SNX29: variants seen among roughly 807,000 people sequenced by gnomAD.
SNX29 encodes sorting nexin 29.
A neutral mutation model predicts 102.1 loss-of-function variants in SNX29; 78 were observed. That is an observed-to-expected ratio of 0.76 (90% CI 0.64 to 0.92). The LOEUF is 0.92. SNX29 is among the 40% of genes least tolerant of loss of function. SNX29 has a pLI of 0.00. For missense variants in SNX29, 1,280 were observed against 1,061.7 expected (o/e 1.21, Z -2.86); for synonymous variants, 580 against 414.5 (o/e 1.40, Z -4.85).
intron 13 of SNX29, chr16:12,135,493 G>A: frequency 7.6e-7 from 1 of 1,313,820 alleles, no homozygotes; most frequent in Non-Finnish European, 1.0e-6. Context: ...ATAAGAGCCA[G>A]TTACTGCATT....
chr16:12,370,626 T>C (rs1418398426), intron 16 of SNX29, among the ~76,000 whole-genome samples: 1 of 152,210 alleles, frequency 6.6e-6, no homozygotes, highest in Non-Finnish European at 1.5e-5. Flanking sequence ...GTAGGCACTT[T>C]GGGCGAGGCA....
chr16:12,445,815 G>A (rs1236305304), intron 18 of SNX29, among the ~76,000 whole-genome samples: 1 of 152,108 alleles, frequency 6.6e-6, no homozygotes, highest in East Asian at 1.9e-4. Flanking sequence ...ACCAATTCAA[G>A]CCTCGGGACA....
chr16:12,570,130 A>T lies in SNX29; in HGVS notation c.*1501A>T. ...AAAGGAAGATTGTTCATGGCCTTTA[A>T]GGAAGGCTGAGATCACTCACACACA... On this transcript the variant is annotated 3_prime_UTR_variant, in exon 21 of 21. Coordinates refer to ENST00000566228, the MANE Select transcript of SNX29 (RefSeq NM_032167.5). 3.8e-6 allele frequency: 4 copies of T among 1,051,478 alleles called. No homozygotes were observed. Among genetic ancestry groups the T allele is most frequent in the South Asian group, 4.6e-5 (1 of 21,710 alleles). 65.1% of individuals were successfully genotyped at this position (1,051,478 alleles called of 1,614,324 possible). A position where few individuals can be genotyped will look rare whatever the true frequency, so the allele number is the denominator to read the frequency against.
chr16:12,109,720 GCTTCCATTGCC>G, intron 11 of SNX29, among the ~76,000 whole-genome samples: 1 of 149,198 alleles, frequency 6.7e-6, no homozygotes, highest in East Asian at 2.0e-4. Flanking sequence ...AACCTGTTGA[GCTTCCATTGCC>G]CTCATCTTTT....
At position 12,270,542 on chromosome 16, in the gene SNX29, T is replaced by C. The variant is rs144723444; in HGVS notation, c.1679-7391T>C. ...TGGTCTCTCATGCCTTGACCCCACATACTCACCTTTGGCAGTTGAGAGATG... is the reference window on the plus strand; with the variant it reads ...TGGTCTCTCATGCCTTGACCCCACACACTCACCTTTGGCAGTTGAGAGATG... On this transcript the variant is annotated intron_variant, in intron 14 of 20. Coordinates refer to ENST00000566228, the MANE Select transcript of SNX29 (RefSeq NM_032167.5). Among the ~76,000 whole-genome samples the C allele has an allele frequency of 5.3e-5, 8 of 152,304 alleles. No homozygotes were observed. The East Asian group carries it at 1.5e-3, about 29-fold the overall frequency.
intron 10 of SNX29, among the ~76,000 whole-genome samples, chr16:12,071,313 T>G (rs2051289952): frequency 6.6e-6 from 1 of 152,036 alleles, no homozygotes; most frequent in Non-Finnish European, 1.5e-5. Context: ...GTCTAACATG[T>G]AAGTCTTTAA....
chr16:12,111,603 G>T (rs12596036), intron 11 of SNX29, among the ~76,000 whole-genome samples: 29,791 of 152,162 alleles, frequency 0.2, 3,373 homozygotes, highest in Middle Eastern at 0.27. Flanking sequence ...CTCCAAGATG[G>T]CAGGCAGCAA....
intron 13 of SNX29, among the ~76,000 whole-genome samples, chr16:12,146,332 C>T (rs369651893): frequency 6.6e-6 from 1 of 151,784 alleles, no homozygotes; most frequent in African/African-American, 2.4e-5. Context: ...GTGGCACAAT[C>T]TCAGCTCACT....
rs187403793 is a variant in SNX29 at position 12,324,251 on chromosome 16, G to T, written c.1783-31912G>T. Among the ~76,000 whole-genome samples the T allele has an allele frequency of 2.4e-3, 362 of 152,124 alleles. 1 individual carries two copies. The highest frequency in any genetic ancestry group is 8.5e-3 in the African/African-American group (354 of 41,520). ...GAAAACTGAGCAGCCCATCACCACT[G>T]GTCTCTCGGTGCTGCAGAGGCAACT... On this transcript the variant is annotated intron_variant, in intron 15 of 20. Transcript: ENST00000566228.
chr16:12,010,137 A>C (rs1441542354), intron 3 of SNX29, among the ~76,000 whole-genome samples: 1 of 152,234 alleles, frequency 6.6e-6, no homozygotes, highest in Non-Finnish European at 1.5e-5. Flanking sequence ...GAGTCAGTTC[A>C]TGTGCAACCC....
chr16:12,178,260 C>G (rs1295359967), intron 13 of SNX29, among the ~76,000 whole-genome samples: 1 of 151,916 alleles, frequency 6.6e-6, no homozygotes, highest in African/African-American at 2.4e-5. Context: ...GGCTCCCTTG[C>G]TTATGTTCCT....
intron 20 of SNX29, among the ~76,000 whole-genome samples, chr16:12,549,263 A>T (rs60665372): frequency 0.027 from 4,046 of 152,280 alleles, 99 homozygotes; most frequent in South Asian, 0.075. Flanking sequence ...TGGGAGGCTG[A>T]GGTGGTAGAT....
chr16:12,566,424 C>A (rs1044512950), intron 20 of SNX29, among the ~76,000 whole-genome samples: 9 of 41,052 alleles, frequency 2.2e-4, no homozygotes, highest in African/African-American at 1.4e-3. Context: ...ACCTCCAGGG[C>A]CTCTCCCCCC....
At chr16:12,444,291 GTAAGCACTCAGTATAGCACCTAGCATGTA>G (rs2085950011) in intron 18 of SNX29, among the ~76,000 whole-genome samples, 2 of 150,810 alleles carry the variant, frequency 1.3e-5, no homozygotes, top group African/African-American at 2.4e-5. Context: ...CTAGCATGTA[GTAAGCACTCAGTATAGCACCTAGCATGTA>G]GTAAGCACTC....
rs75512743 is a variant in SNX29 at position 12,255,081 on chromosome 16, C to T, written c.1679-22852C>T. ...GTACAATGTGCTGTTTTGATCTGTA[C>T]GTTGTGAAATGATTAAATCAAGTTA... On this transcript the variant is annotated intron_variant, in intron 14 of 20. Coordinates refer to ENST00000566228, the MANE Select transcript of SNX29 (RefSeq NM_032167.5). Among the ~76,000 whole-genome samples the T allele has an allele frequency of 5.9e-5, 9 of 152,306 alleles. No homozygotes were observed. In the East Asian group the frequency reaches 1.5e-3, roughly 26 times the overall value.
At position 12,373,185 on chromosome 16, in the gene SNX29, T is replaced by G. The variant is rs551889316; in HGVS notation, c.1899+16906T>G. On this transcript the variant is annotated intron_variant, in intron 16 of 20. Transcript: ENST00000566228. Reference sequence around the variant, plus strand: ...TCTCGCTGTGTTGCCCAGACTGGAGTGCAGTGGTGCAGTCATAGCTCGCTG... The same window carrying G: ...TCTCGCTGTGTTGCCCAGACTGGAGGGCAGTGGTGCAGTCATAGCTCGCTG... Among the ~76,000 whole-genome samples, 5 of 152,242 alleles carry G rather than the reference T, an allele frequency of 3.3e-5. No homozygotes were observed. In the South Asian group the frequency reaches 1.0e-3, roughly 32 times the overall value.
chr16:12,511,049 C>T (rs74009110), intron 19 of SNX29, among the ~76,000 whole-genome samples: 2,543 of 152,208 alleles, frequency 0.017, 73 homozygotes, highest in African/African-American at 0.057. Context: ...CTCTGCGTCC[C>T]GGGTTCAAGG....
At chr16:12,483,368 A>C (rs1464683164) in intron 19 of SNX29, among the ~76,000 whole-genome samples, 2 of 145,186 alleles carry the variant, frequency 1.4e-5, no homozygotes, top group East Asian at 2.0e-4. Context: ...CCCAGGCTGG[A>C]GTGCAGTGGT....
At chr16:12,532,053 G>A (rs2076946218) in intron 20 of SNX29, among the ~76,000 whole-genome samples, 2 of 152,184 alleles carry the variant, frequency 1.3e-5, no homozygotes. Context: ...CTGCAGGTCT[G>A]GGTCGCCGTT....
Sources: gnomAD v4.1 joint callset for allele counts (sites outside exome capture counted in the v4.1 genomes callset) on GRCh38, gnomAD v4.1.1 for gene constraint, MANE v1.5 for transcripts, NCBI Gene and HGNC (gene_info 2026-07-23, HGNC 2026-07-21) for gene names.